The following VSTM2L variants were observed in gnomAD, a reference collection of about 807,000 sequenced individuals.
The protein encoded by VSTM2L is V-set and transmembrane domain-containing protein 2-like protein.
A neutral mutation model predicts 19.9 loss-of-function variants in VSTM2L; 9 were observed. That is an observed-to-expected ratio of 0.45 (90% CI 0.27 to 0.79). The LOEUF is 0.79. Ranked by LOEUF, VSTM2L falls within the 30% of genes least tolerant of loss-of-function variation. VSTM2L has a pLI of 0.15. For missense variants in VSTM2L, 286 were observed against 295.5 expected, an observed-to-expected ratio of 0.97 and a Z score of 0.24; for synonymous variants, 127 against 133.8, an observed-to-expected ratio of 0.95 and a Z score of 0.35.
chr20:37,916,563 C>G (rs1285587364), intron 1 of VSTM2L, among the ~76,000 whole-genome samples: 2 of 152,356 alleles, frequency 1.3e-5, no homozygotes, highest in East Asian at 1.9e-4. Flanking sequence ...TCCAGCTTGC[C>G]GGCTCCAGCA....
At chr20:37,940,819 A>G (rs1462180194) in intron 3 of VSTM2L, among the ~76,000 whole-genome samples, 1 of 152,202 alleles carries the variant, frequency 6.6e-6, no homozygotes, top group Non-Finnish European at 1.5e-5. Context: ...ACGTGTTGGC[A>G]GGAGAAGAGT....
At chr20:37,913,326 A>T (rs978457315) in intron 1 of VSTM2L, among the ~76,000 whole-genome samples, 1 of 152,232 alleles carries the variant, frequency 6.6e-6, no homozygotes, top group Non-Finnish European at 1.5e-5. Flanking sequence ...GGCCCCAGGC[A>T]GAAGTAGCCT....
chr20:37,934,682 C>A (rs985624015), intron 3 of VSTM2L, among the ~76,000 whole-genome samples: 1 of 152,060 alleles, frequency 6.6e-6, no homozygotes, highest in Non-Finnish European at 1.5e-5. Context: ...GGAGCTGCAC[C>A]CCCAAACCGA....
At chr20:37,908,014 GT>G (rs1322672887) in intron 1 of VSTM2L, among the ~76,000 whole-genome samples, 1 of 152,172 alleles carries the variant, frequency 6.6e-6, no homozygotes, top group East Asian at 1.9e-4. Context: ...AAATGTGTTC[GT>G]CTTTGTCTCG....
In VSTM2L at chr20:37,944,734, C is replaced by T. The variant is rs913941320; in HGVS notation, c.*481C>T. ...TCTTCTGAGCAGAACTAGGGCCTCTCCCCTGGTGAAGACCCAGGGAACCCA... is the reference window on the plus strand; with the variant it reads ...TCTTCTGAGCAGAACTAGGGCCTCTTCCCTGGTGAAGACCCAGGGAACCCA... On this transcript the variant is annotated 3_prime_UTR_variant, in exon 4 of 4. Transcript: ENST00000373461. 7.1e-6 allele frequency: 7 copies of T among 987,240 alleles called. No individual in the cohort carries two copies. Among genetic ancestry groups the T allele is most frequent in the African/African-American group, 5.2e-5 (3 of 57,284 alleles). 61.2% of individuals were successfully genotyped at this position (987,240 alleles called of 1,614,324 possible).
At chr20:37,938,334 G>C (rs1036575838) in intron 3 of VSTM2L, among the ~76,000 whole-genome samples, 4 of 152,148 alleles carry the variant, frequency 2.6e-5, no homozygotes, top group Non-Finnish European at 5.9e-5. Flanking sequence ...CCTGAGTTGG[G>C]TTCTGAACAT....
At chr20:37,935,588 C>T (rs2072935018) in intron 3 of VSTM2L, among the ~76,000 whole-genome samples, 1 of 152,178 alleles carries the variant, frequency 6.6e-6, no homozygotes, top group East Asian at 1.9e-4. Context: ...TCTCTTCCCA[C>T]GGAGCTCAGC....
intron 3 of VSTM2L, among the ~76,000 whole-genome samples, chr20:37,938,139 G>A (rs1200406887): frequency 1.3e-5 from 2 of 152,050 alleles, no homozygotes. Flanking sequence ...AGAAGCCCTG[G>A]ACCTTGCTTT....
At chr20:37,937,185 C>T (rs1428231154) in intron 3 of VSTM2L, among the ~76,000 whole-genome samples, 2 of 152,086 alleles carry the variant, frequency 1.3e-5, no homozygotes. Flanking sequence ...CGCACCACTG[C>T]TCTCATAAGG....
At chr20:37,919,544 G>C (rs1004093926) in intron 1 of VSTM2L, among the ~76,000 whole-genome samples, 1 of 152,240 alleles carries the variant, frequency 6.6e-6, no homozygotes, top group African/African-American at 2.4e-5. Context: ...ACAGGCGGTT[G>C]GGCTGGGACC....
intron 1 of VSTM2L, among the ~76,000 whole-genome samples, chr20:37,919,026 A>G (rs907886141): frequency 2.6e-5 from 4 of 152,168 alleles, no homozygotes; most frequent in African/African-American, 9.7e-5. Flanking sequence ...AGTCTCTGGC[A>G]TGTGTGTCTC....
chr20:37,940,305 C>T (rs920002209), intron 3 of VSTM2L, among the ~76,000 whole-genome samples: 8 of 152,224 alleles, frequency 5.3e-5, no homozygotes, highest in African/African-American at 1.7e-4. Flanking sequence ...AGGGGGCACC[C>T]CCACAGCCAG....
chr20:37,932,732 C>A (rs1043134408), intron 2 of VSTM2L, among the ~76,000 whole-genome samples: 1 of 152,174 alleles, frequency 6.6e-6, no homozygotes, highest in African/African-American at 2.4e-5. Flanking sequence ...AACTACTTGA[C>A]CTTTGTCTCA....
rs757694370 is a variant in VSTM2L at position 37,931,739 on chromosome 20, A to G, written c.226A>G (p.Ile76Val). 4 of 1,613,864 alleles carry G rather than the reference A, an allele frequency of 2.5e-6. No individual in the cohort carries two copies. The highest frequency in any genetic ancestry group is 3.4e-6 in the Non-Finnish European group (4 of 1,180,032). The change falls in exon 2 of 4, where the codon ATC (isoleucine) becomes GTC (valine). Residue 76 changes from isoleucine to valine, a missense_variant. Ile to Val is a conservative substitution (Grantham distance 29). Transcript: ENST00000373461. The stretch of plus-strand genomic sequence containing the variant: ...CGGCTCCCCCTCCTACTCGCTGGAG[A>G]TCCAGTGGTGGTATGTACGGAGCCA... The part of the protein sequence containing the change: ...GSGSPSYSLE[I>V]QWWYVRSHRD...
chr20:37,933,805 A>T (rs2072924433), intron 3 of VSTM2L, among the ~76,000 whole-genome samples: 1 of 152,174 alleles, frequency 6.6e-6, no homozygotes, highest in South Asian at 2.1e-4. Flanking sequence ...GGGAGAGAAG[A>T]TGCATTTTCT....
At chr20:37,938,910 T>G (rs1163724812) in intron 3 of VSTM2L, among the ~76,000 whole-genome samples, 1 of 151,842 alleles carries the variant, frequency 6.6e-6, no homozygotes, top group Non-Finnish European at 1.5e-5. Flanking sequence ...TGGGGCTGGG[T>G]TTTCCCAAGA....
intron 1 of VSTM2L, among the ~76,000 whole-genome samples, chr20:37,906,409 T>C (rs1213930127): frequency 6.6e-6 from 1 of 152,098 alleles, no homozygotes; most frequent in Non-Finnish European, 1.5e-5. Flanking sequence ...ACAGGAGTGA[T>C]TTTGATTTTT....
chr20:37,932,027 G>A (rs527764128), intron 2 of VSTM2L, among the ~76,000 whole-genome samples: 59 of 152,298 alleles, frequency 3.9e-4, no homozygotes, highest in Admixed American at 3.5e-3. Context: ...GGCTGAGCAC[G>A]TGAAATGGCC....
chr20:37,931,901 G>T, intron 2 of VSTM2L, 97 bp downstream of exon 2: 1 of 1,363,948 alleles, frequency 7.3e-7, no homozygotes, highest in Non-Finnish European at 9.9e-7. Flanking sequence ...GAGGGATATG[G>T]GCTCCAACGC....
Sources: allele counts gnomAD v4.1 joint callset (sites outside exome capture counted in the v4.1 genomes callset), GRCh38; gene constraint gnomAD v4.1.1; transcripts MANE v1.5; gene names NCBI Gene and HGNC (gene_info 2026-07-23, HGNC 2026-07-21).